The following DIP2B variants were observed in gnomAD, a reference collection of about 807,000 sequenced individuals.
The protein encoded by DIP2B is DIP2 acetate--CoA ligase B (putative), also known as disco-interacting protein 2 homolog B.
A neutral mutation model predicts 198.0 loss-of-function variants in DIP2B; 76 were observed. The observed-to-expected ratio is 0.38, with a 90% CI of 0.32 to 0.46. The LOEUF is 0.46. Ranked by LOEUF, DIP2B falls within the 20% of genes least tolerant of loss-of-function variation. The pLI is 0.99. For missense variants in DIP2B, 1,559 were observed against 1,978.4 expected (o/e 0.79, Z 4.02); for synonymous variants, 701 against 739.1 (o/e 0.95, Z 0.84).
chr12:50,706,769 C>G, intron 21 of DIP2B, 104 bp downstream of exon 21: 1 of 1,375,072 alleles, frequency 7.3e-7, no homozygotes, highest in Non-Finnish European at 9.8e-7. Context: ...TCCAAGTGAT[C>G]AGATTGTTTT....
chr12:50,516,241 C>CTCTCTA (rs768299705), intron 1 of DIP2B, among the ~76,000 whole-genome samples: 39,486 of 139,788 alleles, frequency 0.28, 5,194 homozygotes, highest in South Asian at 0.34. Context: ...CTCTCTCTCT[C>CTCTCTA]TCTCTATCTC....
At chr12:50,510,177 T>G (rs1359901142) in intron 1 of DIP2B, among the ~76,000 whole-genome samples, 1 of 152,230 alleles carries the variant, frequency 6.6e-6, no homozygotes, top group Non-Finnish European at 1.5e-5. Context: ...GATTATAAAC[T>G]GATTTTAGTT....
intron 1 of DIP2B, among the ~76,000 whole-genome samples, chr12:50,587,565 G>A (rs1449240853): frequency 6.6e-6 from 1 of 152,064 alleles, no homozygotes; most frequent in Non-Finnish European, 1.5e-5. Context: ...AATGCCTAAG[G>A]CCAGATTGTG....
At chr12:50,710,617 T>G (rs1939598630) in intron 22 of DIP2B, among the ~76,000 whole-genome samples, 1 of 151,922 alleles carries the variant, frequency 6.6e-6, no homozygotes, top group South Asian at 2.1e-4. Context: ...TAGAGACAGA[T>G]TTTCGCCATG....
Position 50,685,884 on chromosome 12 carries a change from T to C in DIP2B, c.1369T>C (p.Leu457=). ...GFLLGSCGIA[L]ALTSEVCLKG... is the part of the protein sequence containing the mutation. ...CTTGCTAGGAAGCTGTGGTATTGCC[T>C]TAGCTCTTACCAGTGAAGTTTGTCT... is the stretch of plus-strand genomic sequence containing the variant. The change falls in exon 11 of 38, where the codon TTA becomes CTA. Residue 457 remains leucine (L), a synonymous_variant. Coordinates refer to ENST00000301180, the MANE Select transcript of DIP2B (RefSeq NM_173602.3). 6.2e-7 allele frequency: 1 copy of C among 1,614,032 alleles called. No homozygotes were observed. The highest frequency in any genetic ancestry group is 2.2e-5 in the East Asian group (1 of 44,872).
In DIP2B at chr12:50,671,359, A is replaced by G; in HGVS notation, c.601A>G (p.Ser201Gly). Residue 201 changes from serine to glycine, a missense_variant, in exon 5 of 38, where the codon AGT (serine) becomes GGT (glycine). Ser to Gly is a moderately conservative substitution (Grantham distance 56). Transcript: ENST00000301180. ...GTCCCACGGAGAGGTCAAAGGAACC[A>G]GTGGGTCTCTAGCTGATGTATTTGC... is the stretch of plus-strand genomic sequence containing the variant. ...TLSHGEVKGTSGSLADVFANT... is the reference protein window; with the variant it reads ...TLSHGEVKGTGGSLADVFANT... 2 of 1,614,192 alleles carry G rather than the reference A, an allele frequency of 1.2e-6. No individual in the cohort carries two copies. Among genetic ancestry groups the G allele is most frequent in the Non-Finnish European group, 1.7e-6 (2 of 1,180,024 alleles).
chr12:50,666,021 C>T (rs1938746271), intron 4 of DIP2B, among the ~76,000 whole-genome samples: 1 of 152,142 alleles, frequency 6.6e-6, no homozygotes, highest in Non-Finnish European at 1.5e-5. Flanking sequence ...ATCAGACCTC[C>T]ATAATAAATG....
chr12:50,644,297 A>C (rs1490220342), intron 3 of DIP2B, among the ~76,000 whole-genome samples: 3 of 152,200 alleles, frequency 2.0e-5, no homozygotes, highest in Admixed American at 2.0e-4. Flanking sequence ...AGAAAACACA[A>C]ATTAATGCCT....
Position 50,695,326 on chromosome 12 carries a change from T to G in DIP2B, c.1779T>G (p.Pro593=). The G allele has an allele frequency of 6.2e-7, 1 of 1,614,078 alleles. No homozygotes were observed. The highest frequency in any genetic ancestry group is 2.2e-5 in the East Asian group (1 of 44,880). The stretch of plus-strand genomic sequence containing the variant: ...CCTACTCTGTTATGAAAACCTGTCC[T>G]CTCTCTTGGGTCCAAAGAGTACATG... ...SVPYSVMKTC[P]LSWVQRVHAH... Residue 593 remains proline, a synonymous_variant, in exon 15 of 38, where the codon CCT becomes CCG. Transcript: ENST00000301180.
chr12:50,735,068 T>G lies in DIP2B; in HGVS notation c.4044-5T>G. 6.2e-7 allele frequency: 1 copy of G among 1,614,158 alleles called. No homozygotes were observed. ...CTATATATAGTAAATACCGTTCTTCTGCAGGGTTCGTCTCGTGGAACGTGG... is the reference window on the plus strand; with the variant it reads ...CTATATATAGTAAATACCGTTCTTCGGCAGGGTTCGTCTCGTGGAACGTGG... On this transcript the variant is annotated splice_polypyrimidine_tract_variant and splice_region_variant and intron_variant, in intron 33 of 37. Transcript: ENST00000301180.
At position 50,505,037 on chromosome 12, in the gene DIP2B, T is replaced by C. The variant is rs1957953504; in HGVS notation, c.-104T>C. The C allele has an allele frequency of 2.1e-6, 2 of 971,046 alleles. No homozygotes were observed. The highest frequency in any genetic ancestry group is 3.5e-5 in the African/African-American group (2 of 56,710). 60.2% of individuals were successfully genotyped at this position (971,046 alleles called of 1,614,324 possible). On this transcript the variant is annotated 5_prime_UTR_variant, in exon 1 of 38. Coordinates refer to ENST00000301180, the MANE Select transcript of DIP2B (RefSeq NM_173602.3). ...GCGGCGGCGGCGGTGCTGGTGGTGC[T>C]CGGCGGCCGGAGCCGGATCCTGTAG...
At chr12:50,673,992 G>A (rs936058954) in intron 5 of DIP2B, among the ~76,000 whole-genome samples, 4 of 152,020 alleles carry the variant, frequency 2.6e-5, no homozygotes, top group Admixed American at 1.3e-4. Flanking sequence ...GGAAACTTGT[G>A]CAGCCTGACC....
intron 1 of DIP2B, among the ~76,000 whole-genome samples, chr12:50,609,239 A>G (rs1959011007): frequency 6.6e-6 from 1 of 152,250 alleles, no homozygotes; most frequent in Admixed American, 6.5e-5. Context: ...AAGTTTTAGT[A>G]CCATGGTTTA....
intron 12 of DIP2B, among the ~76,000 whole-genome samples, chr12:50,690,848 G>T (rs1482687103): frequency 6.6e-6 from 1 of 152,054 alleles, no homozygotes. Context: ...ATATATTTTT[G>T]TTGAGCTTTG....
At chr12:50,668,064 T>C (rs957305086) in intron 4 of DIP2B, among the ~76,000 whole-genome samples, 1 of 152,156 alleles carries the variant, frequency 6.6e-6, no homozygotes, top group African/African-American at 2.4e-5. Flanking sequence ...TTTAATATCT[T>C]TAAAAAGTTT....
intron 26 of DIP2B, among the ~76,000 whole-genome samples, chr12:50,721,625 A>C (rs149693160): frequency 6.6e-6 from 1 of 152,182 alleles, no homozygotes; most frequent in Non-Finnish European, 1.5e-5. Flanking sequence ...TTAGATTTCT[A>C]TTAGTGCCTG....
chr12:50,716,375 C>CA (rs1385375307), intron 23 of DIP2B, among the ~76,000 whole-genome samples: 6 of 151,996 alleles, frequency 3.9e-5, no homozygotes, highest in African/African-American at 1.5e-4. Context: ...TAATTTCACA[C>CA]AAAAAAGTTG....
chr12:50,687,737 T>G (rs1376765800), intron 12 of DIP2B, among the ~76,000 whole-genome samples: 1 of 151,576 alleles, frequency 6.6e-6, no homozygotes, highest in Non-Finnish European at 1.5e-5. Context: ...TGTTGAGGGC[T>G]GGGGGGCAAG....
intron 21 of DIP2B, 126 bp downstream of exon 21, chr12:50,706,791 G>A: frequency 9.2e-7 from 1 of 1,087,312 alleles, no homozygotes; most frequent in Non-Finnish European, 1.3e-6. Context: ...GTTAAGCATT[G>A]CATAAGCCTG....
Sources: allele counts gnomAD v4.1 joint callset (sites outside exome capture counted in the v4.1 genomes callset), GRCh38; gene constraint gnomAD v4.1.1; transcripts MANE v1.5; gene names NCBI Gene and HGNC (gene_info 2026-07-23, HGNC 2026-07-21).